The following DMXL1 variants were observed in gnomAD, a reference collection of about 807,000 sequenced individuals.
DMXL1 encodes Dmx like 1.
Under a neutral mutation model 319.2 loss-of-function variants are expected in DMXL1, and 99 were observed. The observed-to-expected ratio is 0.31, with a 90% confidence interval of 0.26 to 0.37. DMXL1 has a LOEUF of 0.37. Ranked by LOEUF, DMXL1 falls within the 10% of genes least tolerant of loss-of-function variation. The pLI, the probability that DMXL1 is intolerant of heterozygous loss-of-function variation, is 1.00. For synonymous variants in DMXL1, 1,385 were observed against 1,235.2 expected, an observed-to-expected ratio of 1.12 and a Z score of -2.54; for missense variants, 3,745 against 3,595.6, an observed-to-expected ratio of 1.04 and a Z score of -1.06.
chr5:119,200,279 A>G (rs575784180), intron 32 of DMXL1, among the ~76,000 whole-genome samples: 1 of 152,238 alleles, frequency 6.6e-6, no homozygotes, highest in Admixed American at 6.5e-5. Flanking sequence ...TTCAGTTTCA[A>G]TCTTCTGCAT....
chr5:119,161,123 C>T (rs1315883344), intron 19 of DMXL1, among the ~76,000 whole-genome samples: 1 of 152,156 alleles, frequency 6.6e-6, no homozygotes, highest in Admixed American at 6.5e-5. Context: ...TAAACCTAGC[C>T]TCTGATTATG....
intron 28 of DMXL1, among the ~76,000 whole-genome samples, chr5:119,179,552 T>C (rs1776434744): frequency 6.6e-6 from 1 of 152,202 alleles, no homozygotes; most frequent in Non-Finnish European, 1.5e-5. Context: ...CCAAAATCTT[T>C]ACCATGATTG....
chr5:119,075,984 G>A lies in DMXL1; in HGVS notation c.87+4328G>A, dbSNP rs376074794. 3.9e-5 allele frequency among the ~76,000 whole-genome samples: 6 copies of A among 152,228 alleles called. No individual in the cohort carries two copies. In the East Asian group the frequency reaches 9.6e-4, roughly 24 times the overall value. On this transcript the variant is annotated intron_variant, in intron 1 of 43. Transcript: ENST00000539542. ...CTACTTTTATGCATACTATTGATAT[G>A]ATACTTTTTTTTTCTTTTTCTTTTG...
At chr5:119,111,694 A>G (rs1017392093) in intron 5 of DMXL1, among the ~76,000 whole-genome samples, 5 of 152,234 alleles carry the variant, frequency 3.3e-5, no homozygotes, top group Non-Finnish European at 5.9e-5. Context: ...ATGAGGAGAA[A>G]TATGTGCAGT....
chr5:119,193,776 AT>A, intron 29 of DMXL1, 51 bp from the exon 30 acceptor site: 1 of 1,522,570 alleles, frequency 6.6e-7, no homozygotes, highest in Non-Finnish European at 9.1e-7. Flanking sequence ...GTATGTTTGA[AT>A]GTATTAAATT....
At chr5:119,126,304 TAAAATA>T (rs1002674807) in intron 9 of DMXL1, among the ~76,000 whole-genome samples, 8 of 152,214 alleles carry the variant, frequency 5.3e-5, no homozygotes, top group Admixed American at 2.6e-4. Context: ...TAAGGTAAAA[TAAAATA>T]AAAGCATTAT....
chr5:119,231,962 A>T (rs778039488), intron 38 of DMXL1, among the ~76,000 whole-genome samples: 1 of 152,026 alleles, frequency 6.6e-6, no homozygotes, highest in Admixed American at 6.6e-5. Context: ...CCTCCCAATT[A>T]ATTTCTTTTT....
chr5:119,244,578 T>TAAAC lies in DMXL1; in HGVS notation c.8922+4_8922+7dup. Reference sequence around the variant, plus strand: ...GGATCTGCCGAAGGCAATATAAAGGTAAACACAGTTGATGCCACAACATCT... The same window carrying TAAAC: ...GGATCTGCCGAAGGCAATATAAAGGTAAACAAACACAGTTGATGCCACAACATCT... On this transcript the variant is annotated splice_region_variant and intron_variant, in intron 43 of 43. Coordinates refer to ENST00000539542, the MANE Select transcript of DMXL1 (RefSeq NM_001290321.3). The TAAAC allele has an allele frequency of 6.2e-7, 1 of 1,611,202 alleles. No homozygotes were observed. The highest frequency in any genetic ancestry group is 1.1e-5 in the South Asian group (1 of 90,880).
chr5:119,097,080 G>A lies in DMXL1; in HGVS notation c.88-899G>A, dbSNP rs531512039. ...CTGAATGCTGGAAAGCAGCTAACTA[G>A]AAAAGACCAGGCAGATAAAAGGCAG... On this transcript the variant is annotated intron_variant, in intron 1 of 43. Transcript: ENST00000539542. 9.8e-5 allele frequency among the ~76,000 whole-genome samples: 15 copies of A among 152,296 alleles called. 1 individual carries two copies. The South Asian group carries it at 3.1e-3, about 32-fold the overall frequency.
chr5:119,215,420 G>T (rs1412101419), intron 34 of DMXL1, among the ~76,000 whole-genome samples: 1 of 152,100 alleles, frequency 6.6e-6, no homozygotes, highest in African/African-American at 2.4e-5. Flanking sequence ...TGATTCTCGT[G>T]CCTCAGCCAC....
intron 15 of DMXL1, among the ~76,000 whole-genome samples, chr5:119,145,420 T>C (rs1183442444): frequency 2.0e-5 from 3 of 151,828 alleles, no homozygotes; most frequent in Non-Finnish European, 4.4e-5. Context: ...TTTCTCTGAG[T>C]TAATGAGCTG....
At chr5:119,099,484 C>T (rs182487310) in intron 2 of DMXL1, among the ~76,000 whole-genome samples, 2 of 152,264 alleles carry the variant, frequency 1.3e-5, no homozygotes, top group South Asian at 2.1e-4. Flanking sequence ...GCTGGGATTA[C>T]GTGAGCCACT....
At chr5:119,233,739 G>A (rs908654171) in intron 39 of DMXL1, among the ~76,000 whole-genome samples, 1 of 151,992 alleles carries the variant, frequency 6.6e-6, no homozygotes, top group African/African-American at 2.4e-5. Flanking sequence ...ATTATTAAAT[G>A]CTCCTACTCT....
At chr5:119,162,432 A>G (rs73242954) in intron 19 of DMXL1, among the ~76,000 whole-genome samples, 3,416 of 152,252 alleles carry the variant, frequency 0.022, 127 homozygotes, top group African/African-American at 0.077. Flanking sequence ...CAAGATCAAG[A>G]CACCAGCAGA....
At chr5:119,097,369 T>C (rs916121068) in intron 1 of DMXL1, among the ~76,000 whole-genome samples, 2 of 152,102 alleles carry the variant, frequency 1.3e-5, no homozygotes, top group African/African-American at 4.8e-5. Context: ...ATTAGTAGAA[T>C]AGGAGAGAGA....
intron 38 of DMXL1, among the ~76,000 whole-genome samples, chr5:119,229,141 C>T: frequency 6.7e-6 from 1 of 148,284 alleles, no homozygotes; most frequent in Non-Finnish European, 1.5e-5. Context: ...ATAGGGAGAC[C>T]CCATTCTCCA....
intron 38 of DMXL1, among the ~76,000 whole-genome samples, chr5:119,231,368 G>C (rs1314039602): frequency 6.6e-6 from 1 of 152,026 alleles, no homozygotes; most frequent in Non-Finnish European, 1.5e-5. Flanking sequence ...ATCTACCTGA[G>C]GCCTCTGACT....
At chr5:119,155,567 G>A (rs926623753) in intron 19 of DMXL1, among the ~76,000 whole-genome samples, 2 of 152,156 alleles carry the variant, frequency 1.3e-5, no homozygotes, top group South Asian at 2.1e-4. Flanking sequence ...AGCCAGGCAC[G>A]ATGGCTCATC....
At chr5:119,087,922 C>T (rs1753742421) in intron 1 of DMXL1, among the ~76,000 whole-genome samples, 1 of 152,162 alleles carries the variant, frequency 6.6e-6, no homozygotes, top group African/African-American at 2.4e-5. Flanking sequence ...CTGCCTCAGC[C>T]TCCCAAGTAG....
Sources: gnomAD v4.1 joint callset for allele counts (sites outside exome capture counted in the v4.1 genomes callset) on GRCh38, gnomAD v4.1.1 for gene constraint, MANE v1.5 for transcripts, NCBI Gene and HGNC (gene_info 2026-07-23, HGNC 2026-07-21) for gene names.